The following MPDZ variants were observed in gnomAD, a reference collection of about 807,000 sequenced individuals.
MPDZ encodes multiple PDZ domain protein.
A neutral mutation model predicts 239.1 loss-of-function variants in MPDZ; 234 were observed. The ratio of observed to expected loss-of-function variants is 0.98; its 90% CI spans 0.88 to 1.09. The LOEUF (loss-of-function observed/expected upper bound fraction) is 1.09, where lower values mean the gene tolerates loss of function less well. Among genes scored for constraint, MPDZ ranks in the 50% least tolerant of loss-of-function variants. The probability of loss-of-function intolerance (pLI) is 0.00; values close to 1 mark genes in which losing one functional copy is unlikely to be tolerated. For missense variants in MPDZ, 3,175 were observed against 2,510.0 expected, an observed-to-expected ratio of 1.26 and a Z score of -5.66; for synonymous variants, 1,048 against 881.3, an observed-to-expected ratio of 1.19 and a Z score of -3.35.
At chr9:13,241,249 A>G (rs186427748) in intron 3 of MPDZ, among the ~76,000 whole-genome samples, 38 of 152,358 alleles carry the variant, frequency 2.5e-4, no homozygotes, top group Admixed American at 1.6e-3. Context: ...GATAATGCAC[A>G]CTAGAGTCTC....
Position 13,226,666 on chromosome 9 carries a change from A to C in MPDZ, c.184-2083T>G, listed in dbSNP as rs192512167. ...CCACGAACTTACTGTGCCCTGTTTT[A>C]ATTCATGGCACTCATTACCACCTGA... On this transcript the variant is annotated intron_variant, in intron 3 of 46. Transcript: ENST00000319217. 8.6e-5 allele frequency among the ~76,000 whole-genome samples: 13 copies of C among 150,954 alleles called. No individual in the cohort carries two copies. The East Asian group carries it at 1.8e-3, about 21-fold the overall frequency.
intron 1 of MPDZ, among the ~76,000 whole-genome samples, chr9:13,268,331 T>C (rs1972235750): frequency 6.6e-6 from 1 of 152,054 alleles, no homozygotes; most frequent in Non-Finnish European, 1.5e-5. Flanking sequence ...ATGAAGGTAC[T>C]TGCATAGGAT....
chr9:13,148,521 T>C (rs763273632), intron 25 of MPDZ, among the ~76,000 whole-genome samples: 33 of 152,070 alleles, frequency 2.2e-4, no homozygotes, highest in Non-Finnish European at 3.5e-4. Flanking sequence ...AAAAGAATTA[T>C]ATAGATTTAG....
intron 32 of MPDZ, among the ~76,000 whole-genome samples, chr9:13,127,997 T>G (rs1945368705): frequency 6.6e-6 from 1 of 152,214 alleles, no homozygotes; most frequent in African/African-American, 2.4e-5. Flanking sequence ...ATTTGCTGAT[T>G]GTTTACCTAA....
intron 35 of MPDZ, 122 bp downstream of exon 35, chr9:13,125,094 C>A (rs1028833736): frequency 1.2e-6 from 1 of 864,082 alleles, no homozygotes; most frequent in South Asian, 2.3e-5. Flanking sequence ...CACCATAGGG[C>A]TCCCTGACTA....
chr9:13,152,294 A>G (rs1355935207), intron 24 of MPDZ, among the ~76,000 whole-genome samples: 1 of 152,074 alleles, frequency 6.6e-6, no homozygotes, highest in African/African-American at 2.4e-5. Context: ...TCCCCTGCTG[A>G]TATGGTTTGG....
chr9:13,136,324 T>G, intron 30 of MPDZ, 142 bp from the exon 31 acceptor site: 1 of 401,060 alleles, frequency 2.5e-6, no homozygotes, highest in Non-Finnish European at 4.3e-6. Context: ...ACAAACGTTT[T>G]CTTTTTTTTT....
intron 1 of MPDZ, among the ~76,000 whole-genome samples, chr9:13,277,027 T>C (rs1974364697): frequency 6.6e-6 from 1 of 152,208 alleles, no homozygotes. Flanking sequence ...CAAGAGTCTC[T>C]CTGAATAGCT....
At chr9:13,150,731 A>G in intron 24 of MPDZ, 43 bp from the exon 25 acceptor site, 1 of 1,249,970 alleles carries the variant, frequency 8.0e-7, no homozygotes, top group Non-Finnish European at 1.0e-6. Flanking sequence ...AAAAATCATA[A>G]GGGTAAAGCT....
At position 13,122,110 on chromosome 9, in the gene MPDZ, A is replaced by G. The variant is rs1944439022; in HGVS notation, c.5014T>C (p.Trp1672Arg). Residue 1672 changes from tryptophan (W) to arginine (R), a missense_variant, in exon 37 of 47, where the codon TGG becomes CGG. By Grantham distance (101) the Trp-to-Arg change is moderately radical. Transcript: ENST00000319217. ...EGAACKDGRL[W>R]AGDQILEVNG... ...ACCTCTAAGATCTGATCTCCAGCCC[A>G]GAGTCTTCCATCTTTACATGCTGCT... 1 of 1,613,968 alleles carries G rather than the reference A, an allele frequency of 6.2e-7. No individual in the cohort carries two copies. The highest frequency in any genetic ancestry group is 1.7e-5 in the Admixed American group (1 of 60,006).
chr9:13,145,439 G>T (rs973351837), intron 26 of MPDZ, among the ~76,000 whole-genome samples: 1 of 151,938 alleles, frequency 6.6e-6, no homozygotes, highest in African/African-American at 2.4e-5. Flanking sequence ...AAGGGCCAAA[G>T]CAACTCACTG....
chr9:13,187,408 C>A (rs907837223), intron 17 of MPDZ, among the ~76,000 whole-genome samples: 1 of 152,002 alleles, frequency 6.6e-6, no homozygotes, highest in Admixed American at 6.6e-5. Context: ...ACAGAAAGAC[C>A]AGAACCAAAT....
intron 10 of MPDZ, among the ~76,000 whole-genome samples, chr9:13,216,014 A>C (rs1958292786): frequency 2.1e-5 from 3 of 141,098 alleles, no homozygotes. Context: ...ATGAGCCACC[A>C]GCTCAGTGAA....
intron 27 of MPDZ, among the ~76,000 whole-genome samples, chr9:13,140,472 G>T (rs1475492384): frequency 6.8e-6 from 1 of 146,934 alleles, no homozygotes; most frequent in South Asian, 2.1e-4. Flanking sequence ...TTTTTGACAT[G>T]ATATTCTTAT....
chr9:13,247,945 G>A (rs1204940421), intron 2 of MPDZ, 144 bp from the exon 3 acceptor site: 2 of 804,156 alleles, frequency 2.5e-6, no homozygotes, highest in East Asian at 2.6e-5. Flanking sequence ...AAAAACAGTA[G>A]GCCGGACCCA....
chr9:13,210,933 A>G (rs1185339915), intron 10 of MPDZ, among the ~76,000 whole-genome samples: 1 of 152,144 alleles, frequency 6.6e-6, no homozygotes, highest in Non-Finnish European at 1.5e-5. Context: ...ATCTTTCAGC[A>G]GTCAGACAAA....
intron 22 of MPDZ, chr9:13,165,260 A>G (rs753287254): frequency 2.7e-5 from 29 of 1,083,658 alleles, no homozygotes; most frequent in South Asian, 1.9e-4. Flanking sequence ...TACAAAATCT[A>G]TATCTGGATC....
chr9:13,274,993 A>G (rs1480613316), intron 1 of MPDZ, among the ~76,000 whole-genome samples: 1 of 152,246 alleles, frequency 6.6e-6, no homozygotes, highest in Non-Finnish European at 1.5e-5. Flanking sequence ...ATGAACATCC[A>G]GAGAAAGAAA....
intron 1 of MPDZ, among the ~76,000 whole-genome samples, chr9:13,275,503 T>C (rs1973961391): frequency 6.6e-6 from 1 of 152,192 alleles, no homozygotes; most frequent in Admixed American, 6.5e-5. Context: ...CTGTGTTATT[T>C]TGTCAAGGCA....
Sources: allele counts gnomAD v4.1 joint callset (sites outside exome capture counted in the v4.1 genomes callset), GRCh38; gene constraint gnomAD v4.1.1; transcripts MANE v1.5; gene names NCBI Gene and HGNC (gene_info 2026-07-23, HGNC 2026-07-21).